The following ZNF600 variants were observed in gnomAD, a reference collection of about 807,000 sequenced individuals.
ZNF600 encodes the protein zinc finger protein KR-ZNF1.
Under a neutral mutation model 7.3 loss-of-function variants are expected in ZNF600, and 4 were observed. The observed-to-expected ratio is 0.55, with a 90% CI of 0.27 to 1.25. The LOEUF is 1.25. ZNF600 is among the 50% of genes most tolerant of loss of function. ZNF600 has a pLI of 0.12. For missense variants in ZNF600, 911 were observed against 922.1 expected (o/e 0.99, Z 0.16); for synonymous variants, 290 against 308.9 (o/e 0.94, Z 0.64).
intron 1 of ZNF600, among the ~76,000 whole-genome samples, chr19:52,782,068 A>G (rs1036889336): frequency 5.3e-5 from 8 of 151,902 alleles, no homozygotes; most frequent in East Asian, 1.9e-4. Context: ...ATAAATATAT[A>G]TATCTAAACA....
rs374098672 is a variant in ZNF600 at position 52,765,832 on chromosome 19, T to C, written c.2131A>G (p.Thr711Ala). Residue 711 changes from threonine (T) to alanine (A), a missense_variant, in exon 4 of 4, where the codon ACA becomes GCA. Transcript: ENST00000648973. Reference sequence around the variant, plus strand: ...TTGCGACTGAAAACTTTGTCACATGTTTCACATTTGTAAAGTTTCTCCCCA... The same window carrying C: ...TTGCGACTGAAAACTTTGTCACATGCTTCACATTTGTAAAGTTTCTCCCCA... 5 of 1,613,892 alleles carry C rather than the reference T, an allele frequency of 3.1e-6. No individual in the cohort carries two copies. Among genetic ancestry groups the C allele is most frequent in the East Asian group, 2.2e-5 (1 of 44,902 alleles).
chr19:52,789,207 A>G (rs2062785594), upstream of ZNF600, among the ~76,000 whole-genome samples: 1 of 152,210 alleles, frequency 6.6e-6, no homozygotes, highest in Admixed American at 6.5e-5. Context: ...AGTCCTAGGC[A>G]GAGGGACAGC....
the ZNF600 span, among the ~76,000 whole-genome samples, chr19:52,796,218 G>T: frequency 6.6e-6 from 1 of 152,136 alleles, no homozygotes; most frequent in Non-Finnish European, 1.5e-5. Context: ...CTGGGTCTGG[G>T]GACAGGGGGA....
At chr19:52,806,412 T>C in the ZNF600 span, among the ~76,000 whole-genome samples, 6 of 152,092 alleles carry the variant, frequency 3.9e-5, no homozygotes. Context: ...CAGGCTAGTT[T>C]TGAACTCCTG....
the ZNF600 span, among the ~76,000 whole-genome samples, chr19:52,826,207 A>G: frequency 1.3e-5 from 2 of 151,942 alleles, no homozygotes; most frequent in Non-Finnish European, 2.9e-5. Context: ...TTTTAAAAGC[A>G]ATAATAGAAC....
chr19:52,832,655 C>T, the ZNF600 span, among the ~76,000 whole-genome samples: 260 of 152,238 alleles, frequency 1.7e-3, 1 homozygote, highest in African/African-American at 6.0e-3. Context: ...ATCATTCAAG[C>T]TCTTTGGGAG....
At chr19:52,774,479 G>C (rs2062656602) in intron 3 of ZNF600, 96 bp downstream of exon 5, 1 of 882,604 alleles carries the variant, frequency 1.1e-6, no homozygotes, top group Non-Finnish European at 1.3e-6. Context: ...AAAAAGCCAT[G>C]CATGGGGCAA....
the ZNF600 span, among the ~76,000 whole-genome samples, chr19:52,811,281 G>T: frequency 6.6e-6 from 1 of 151,750 alleles, no homozygotes; most frequent in East Asian, 1.9e-4. Context: ...GCCTCCCAAA[G>T]AGCCGAGATT....
chr19:52,766,809 G>A, exon 4 of ZNF600: 2 of 1,613,970 alleles, frequency 1.2e-6, no homozygotes, highest in African/African-American at 1.3e-5. Context: ...TGACTCAAGG[G>A]TTGATTTCCG....
chr19:52,768,226 C>G (rs73065483), intron 3 of ZNF600, among the ~76,000 whole-genome samples: 8,485 of 150,698 alleles, frequency 0.056, 308 homozygotes, highest in Non-Finnish European at 0.083. Context: ...TAAGGATAAC[C>G]AAAATCAATG....
At chr19:52,798,868 A>C in the ZNF600 span, 5 of 1,355,872 alleles carry the variant, frequency 3.7e-6, no homozygotes, top group South Asian at 6.1e-5. Context: ...TCCCTATACT[A>C]TGGATTGCTT....
At chr19:52,765,858 G>C (rs1302744995) in exon 4 of ZNF600, 2 of 1,613,964 alleles carry the variant, frequency 1.2e-6, no homozygotes, top group Admixed American at 1.7e-5. Flanking sequence ...TTTCTCCCCA[G>C]CATGAATTCT....
the ZNF600 span, chr19:52,805,643 AAAATAAAT>A: frequency 1.4e-5 from 2 of 140,302 alleles, no homozygotes; most frequent in African/African-American, 5.3e-5. Flanking sequence ...AATAATAATA[AAAATAAAT>A]AAATAAATAA....
chr19:52,774,958 G>A (rs979944303), intron 2 of ZNF600, among the ~76,000 whole-genome samples: 1 of 152,032 alleles, frequency 6.6e-6, no homozygotes, highest in African/African-American at 2.4e-5. Context: ...GGAAACACAG[G>A]GCCAGGCATG....
chr19:52,800,037 C>A, the ZNF600 span: 2 of 1,614,178 alleles, frequency 1.2e-6, no homozygotes, highest in African/African-American at 1.3e-5. Flanking sequence ...AGGTTTCTCT[C>A]CAGTATGAAC....
chr19:52,779,199 C>G (rs2062700938), intron 1 of ZNF600, among the ~76,000 whole-genome samples: 1 of 152,190 alleles, frequency 6.6e-6, no homozygotes, highest in Non-Finnish European at 1.5e-5. Context: ...TCATCAATCC[C>G]CATCCAGAGG....
intron 1 of ZNF600, among the ~76,000 whole-genome samples, chr19:52,783,935 G>C (rs114715865): frequency 6.6e-6 from 1 of 151,986 alleles, no homozygotes; most frequent in South Asian, 2.1e-4. Flanking sequence ...TTAGCAGGGC[G>C]TGGTGGCGCA....
chr19:52,813,664 A>T, the ZNF600 span, among the ~76,000 whole-genome samples: 5 of 114,978 alleles, frequency 4.3e-5, no homozygotes, highest in Non-Finnish European at 8.4e-5. Flanking sequence ...TTGCCTGGTG[A>T]TCTATTTTGT....
At chr19:52,820,991 C>T in the ZNF600 span, among the ~76,000 whole-genome samples, 1 of 152,054 alleles carries the variant, frequency 6.6e-6, no homozygotes, top group Non-Finnish European at 1.5e-5. Context: ...GCGCATTTTC[C>T]CAGAGCTGGA....
Sources: gnomAD v4.1 joint callset for allele counts (sites outside exome capture counted in the v4.1 genomes callset) on GRCh38, gnomAD v4.1.1 for gene constraint, MANE v1.5 for transcripts, NCBI Gene and HGNC (gene_info 2026-07-23, HGNC 2026-07-21) for gene names.